The following CTNNBIP1 variants were observed in gnomAD, a reference collection of about 807,000 sequenced individuals.
The protein encoded by CTNNBIP1 is catenin beta interacting protein 1, also known as beta-catenin-interacting protein 1.
A neutral mutation model predicts 11.8 loss-of-function variants in CTNNBIP1; 7 were observed. The ratio of observed to expected loss-of-function variants is 0.60; its 90% CI spans 0.34 to 1.12. The LOEUF is 1.12. CTNNBIP1 is among the 50% of genes most tolerant of loss of function. CTNNBIP1 has a pLI of 0.03. For synonymous variants in CTNNBIP1, 58 were observed against 43.9 expected (o/e 1.32, Z -1.26); for missense variants, 101 against 113.4 (o/e 0.89, Z 0.50).
At chr1:9,906,425 G>A (rs1431534970) in intron 1 of CTNNBIP1, among the ~76,000 whole-genome samples, 1 of 152,192 alleles carries the variant, frequency 6.6e-6, no homozygotes, top group East Asian at 1.9e-4. Context: ...AGACGTGGTG[G>A]CACACGCCTG....
At chr1:9,873,872 G>A (rs948215793) in intron 3 of CTNNBIP1, among the ~76,000 whole-genome samples, 13 of 152,048 alleles carry the variant, frequency 8.5e-5, no homozygotes, top group Admixed American at 6.5e-5. Flanking sequence ...GTAAGCTAGG[G>A]CCACAGGTGC....
chr1:9,881,631 G>A (rs542424884), intron 2 of CTNNBIP1, among the ~76,000 whole-genome samples: 2 of 152,064 alleles, frequency 1.3e-5, no homozygotes, highest in East Asian at 1.9e-4. Context: ...GAGCCACCAC[G>A]CTGGGCCCCA....
intron 1 of CTNNBIP1, among the ~76,000 whole-genome samples, chr1:9,892,150 C>T (rs776315013): frequency 2.7e-5 from 4 of 149,080 alleles, no homozygotes; most frequent in Middle Eastern, 3.4e-3. Flanking sequence ...AGCCTGGGCG[C>T]GGTGGCTCAC....
intron 1 of CTNNBIP1, among the ~76,000 whole-genome samples, chr1:9,888,089 G>A (rs182616903): frequency 1.3e-5 from 2 of 151,798 alleles, no homozygotes; most frequent in Non-Finnish European, 2.9e-5. Context: ...CTCCCAAAGT[G>A]CTGGAATTAC....
At chr1:9,860,269 T>A (rs960142258) in intron 5 of CTNNBIP1, among the ~76,000 whole-genome samples, 4 of 151,918 alleles carry the variant, frequency 2.6e-5, no homozygotes, top group Non-Finnish European at 5.9e-5. Context: ...CAGTCACAGA[T>A]GGACACTCCC....
chr1:9,855,459 A>C (rs941977078), intron 5 of CTNNBIP1, among the ~76,000 whole-genome samples: 2 of 152,142 alleles, frequency 1.3e-5, no homozygotes, highest in African/African-American at 2.4e-5. Flanking sequence ...GTGGAACAAA[A>C]ATGAGAGTTC....
At chr1:9,888,471 G>A (rs553272728) in intron 1 of CTNNBIP1, among the ~76,000 whole-genome samples, 7 of 151,936 alleles carry the variant, frequency 4.6e-5, no homozygotes, top group Non-Finnish European at 8.8e-5. Context: ...AGAATCGCTT[G>A]AGCCCAGGAG....
At chr1:9,853,949 C>T (rs1638446688) in intron 5 of CTNNBIP1, among the ~76,000 whole-genome samples, 1 of 152,174 alleles carries the variant, frequency 6.6e-6, no homozygotes, top group Non-Finnish European at 1.5e-5. Context: ...ATACCCTGAC[C>T]AGGTGAGATT....
In CTNNBIP1 at chr1:9,871,371, C is replaced by T. The variant is rs2101479231; in HGVS notation, c.97-94G>A. ...GAGGCACCGCCTAGGCCTGCTTGGTCCCTGCTTGGTCCCTGCTCGGGCTTC... is the reference window on the plus strand; with the variant it reads ...GAGGCACCGCCTAGGCCTGCTTGGTTCCTGCTTGGTCCCTGCTCGGGCTTC... On this transcript the variant is annotated intron_variant, in intron 4 of 5. Transcript: ENST00000377263. This position sits in a 1 kb window ranked among gnomAD's most constrained non-coding sequence, Gnocchi z 5.2. The T allele has an allele frequency of 1.1e-5, 10 of 935,102 alleles. No individual in the cohort carries two copies. In the Middle Eastern group the frequency reaches 1.9e-3, roughly 175 times the overall value. The allele number at this position is 935,102 out of a possible 1,614,324, so 57.9% of individuals were successfully genotyped here. A position where few individuals can be genotyped will look rare whatever the true frequency, so the allele number is the denominator to read the frequency against.
At position 9,902,831 on chromosome 1, in the gene CTNNBIP1, T is replaced by C. The variant is rs1211627091; in HGVS notation, c.-144+7264A>G. On this transcript the variant is annotated intron_variant, in intron 1 of 5. Coordinates refer to ENST00000377263, the MANE Select transcript of CTNNBIP1 (RefSeq NM_020248.3). Reference sequence around the variant, plus strand: ...CCCAGGCTGGAGTGCAATGGTGCAATCTCAGCTCACTGCAACCTCCGCCTC... The same window carrying C: ...CCCAGGCTGGAGTGCAATGGTGCAACCTCAGCTCACTGCAACCTCCGCCTC... Among the ~76,000 whole-genome samples, 4 of 151,948 alleles carry C rather than the reference T, an allele frequency of 2.6e-5. No homozygotes were observed. The East Asian group carries it at 7.7e-4, about 29-fold the overall frequency.
intron 5 of CTNNBIP1, among the ~76,000 whole-genome samples, chr1:9,869,152 A>C (rs1448118739): frequency 6.6e-6 from 1 of 151,148 alleles, no homozygotes; most frequent in Non-Finnish European, 1.5e-5. Context: ...GACGTGTGCC[A>C]CCACAGCCAG....
chr1:9,881,377 T>C (rs971505505), intron 2 of CTNNBIP1, among the ~76,000 whole-genome samples: 3 of 147,338 alleles, frequency 2.0e-5, no homozygotes, highest in Non-Finnish European at 4.5e-5. Flanking sequence ...TTCTCTCTTA[T>C]TGCCCAGGCT....
chr1:9,888,695 C>G (rs1488731273), intron 1 of CTNNBIP1, among the ~76,000 whole-genome samples: 2 of 152,218 alleles, frequency 1.3e-5, no homozygotes. Context: ...AGCCATGAAG[C>G]CCAAATGCAG....
intron 1 of CTNNBIP1, among the ~76,000 whole-genome samples, chr1:9,892,811 C>T (rs935923999): frequency 1.3e-5 from 2 of 152,142 alleles, no homozygotes; most frequent in Non-Finnish European, 2.9e-5. Context: ...AAGCAGGAGG[C>T]GACCTTCCTG....
At position 9,856,134 on chromosome 1, in the gene CTNNBIP1, T is replaced by A. The variant is rs143893091; in HGVS notation, c.188-5358A>T. Among the ~76,000 whole-genome samples the A allele has an allele frequency of 4.8e-4, 72 of 151,478 alleles. No homozygotes were observed. In the East Asian group the frequency reaches 0.012, roughly 26 times the overall value. ...CTGCATTCTAGTCTGGGCGACAGAG[T>A]GAGACTCTGTCTCAAAAAAAAAATA... On this transcript the variant is annotated intron_variant, in intron 5 of 5. Coordinates refer to ENST00000377263, the MANE Select transcript of CTNNBIP1 (RefSeq NM_020248.3).
intron 1 of CTNNBIP1, among the ~76,000 whole-genome samples, chr1:9,905,305 G>T (rs954631815): frequency 5.3e-5 from 8 of 152,078 alleles, no homozygotes; most frequent in African/African-American, 1.9e-4. Flanking sequence ...TGTCCCCCTA[G>T]ATCACCATCC....
At chr1:9,901,451 C>T (rs1477071859) in intron 1 of CTNNBIP1, among the ~76,000 whole-genome samples, 2 of 152,168 alleles carry the variant, frequency 1.3e-5, no homozygotes, top group Non-Finnish European at 2.9e-5. Context: ...TTGCAGGAAG[C>T]CTTGCTGGTG....
At chr1:9,901,907 G>A (rs1191395260) in intron 1 of CTNNBIP1, among the ~76,000 whole-genome samples, 1 of 152,210 alleles carries the variant, frequency 6.6e-6, no homozygotes, top group East Asian at 1.9e-4. Context: ...ATGCCTCGCT[G>A]TCCTGGCACC....
chr1:9,904,981 G>A (rs993434443), intron 1 of CTNNBIP1, among the ~76,000 whole-genome samples: 1 of 152,134 alleles, frequency 6.6e-6, no homozygotes, highest in Non-Finnish European at 1.5e-5. Context: ...ATCTTCAGGG[G>A]ACCAGGCCAG....
Sources: allele counts gnomAD v4.1 joint callset (sites outside exome capture counted in the v4.1 genomes callset), GRCh38; gene constraint gnomAD v4.1.1; non-coding constraint Gnocchi (gnomAD v3.1); transcripts MANE v1.5; gene names NCBI Gene and HGNC (gene_info 2026-07-23, HGNC 2026-07-21).